The following LOC128462377 variants were observed in gnomAD, a reference collection of about 807,000 sequenced individuals.
At chr16:89,381,293 C>A in the LOC128462377 span, among the ~76,000 whole-genome samples, 1 of 145,194 alleles carries the variant, frequency 6.9e-6, no homozygotes. Context: ...CAATGCGCCA[C>A]TGCACTCCAG....
chr16:89,370,351 G>C, the LOC128462377 span, among the ~76,000 whole-genome samples: 2 of 152,152 alleles, frequency 1.3e-5, no homozygotes, highest in Non-Finnish European at 2.9e-5. Context: ...GTCCAGAAGG[G>C]GAGACAGGCG....
chr16:89,409,659 C>T, the LOC128462377 span, among the ~76,000 whole-genome samples: 1 of 152,142 alleles, frequency 6.6e-6, no homozygotes, highest in African/African-American at 2.4e-5. Flanking sequence ...CCAAAACACA[C>T]ACACACACGA....
At chr16:89,386,614 G>A in the LOC128462377 span, among the ~76,000 whole-genome samples, 1 of 152,196 alleles carries the variant, frequency 6.6e-6, no homozygotes, top group Non-Finnish European at 1.5e-5. Context: ...CACCCTACAG[G>A]ACACGAGTCA....
At chr16:89,412,841 A>T in the LOC128462377 span, among the ~76,000 whole-genome samples, 11 of 152,192 alleles carry the variant, frequency 7.2e-5, no homozygotes, top group African/African-American at 2.7e-4. Context: ...ACAAAAAGCC[A>T]TTCTCAGTCC....
the LOC128462377 span, among the ~76,000 whole-genome samples, chr16:89,388,293 A>ATTTT: frequency 1.5e-4 from 13 of 85,296 alleles, 1 homozygote; most frequent in East Asian, 8.1e-4. Flanking sequence ...CATGAGGCTG[A>ATTTT]TTTTTTTTTT....
chr16:89,326,637 G>A, the LOC128462377 span, among the ~76,000 whole-genome samples: 12 of 152,238 alleles, frequency 7.9e-5, no homozygotes, highest in Non-Finnish European at 1.5e-4. Context: ...AGCTCCTTGG[G>A]AGCCTGAGGC....
At chr16:89,338,077 C>T in the LOC128462377 span, among the ~76,000 whole-genome samples, 1 of 152,350 alleles carries the variant, frequency 6.6e-6, no homozygotes, top group African/African-American at 2.4e-5. Context: ...CTCTGCCACT[C>T]AGGAGCCCCA....
the LOC128462377 span, among the ~76,000 whole-genome samples, chr16:89,334,936 C>G: frequency 1.3e-5 from 2 of 152,048 alleles, no homozygotes; most frequent in Non-Finnish European, 2.9e-5. Context: ...TGCTGGGGGC[C>G]AGGCAGACAG....
chr16:89,327,186 G>C, the LOC128462377 span, among the ~76,000 whole-genome samples: 2 of 152,174 alleles, frequency 1.3e-5, no homozygotes, highest in African/African-American at 2.4e-5. Context: ...ATCAGTCAAC[G>C]TCACCCAGCA....
chr16:89,363,157 C>T, the LOC128462377 span, among the ~76,000 whole-genome samples: 3 of 152,000 alleles, frequency 2.0e-5, no homozygotes, highest in African/African-American at 7.3e-5. Flanking sequence ...GCTGGGAACA[C>T]GCCTATCCCT....
At chr16:89,333,619 T>C in the LOC128462377 span, among the ~76,000 whole-genome samples, 1 of 152,198 alleles carries the variant, frequency 6.6e-6, no homozygotes, top group Non-Finnish European at 1.5e-5. Flanking sequence ...CCCTACAGTG[T>C]GTAGTCCTTG....
chr16:89,377,669 G>C, the LOC128462377 span, among the ~76,000 whole-genome samples: 1 of 152,040 alleles, frequency 6.6e-6, no homozygotes, highest in African/African-American at 2.4e-5. Flanking sequence ...CAGAGGGGAG[G>C]GGTTCCCACG....
At chr16:89,396,622 ATG>A in the LOC128462377 span, among the ~76,000 whole-genome samples, 1 of 152,148 alleles carries the variant, frequency 6.6e-6, no homozygotes, top group Non-Finnish European at 1.5e-5. Flanking sequence ...GCTGTCTTCT[ATG>A]AAGCCACACA....
At chr16:89,368,082 G>T in the LOC128462377 span, among the ~76,000 whole-genome samples, 2 of 152,208 alleles carry the variant, frequency 1.3e-5, no homozygotes, top group Admixed American at 6.5e-5. Flanking sequence ...CTGTTTATCT[G>T]ATTTCTAGTC....
At chr16:89,374,020 C>T in the LOC128462377 span, among the ~76,000 whole-genome samples, 1 of 152,214 alleles carries the variant, frequency 6.6e-6, no homozygotes, top group African/African-American at 2.4e-5. Context: ...ACAGGAGCTC[C>T]GCACTTCTGC....
the LOC128462377 span, among the ~76,000 whole-genome samples, chr16:89,327,883 A>G: frequency 3.9e-5 from 6 of 152,360 alleles, no homozygotes; most frequent in South Asian, 8.3e-4. Flanking sequence ...AAAAACTGAT[A>G]AACGACCTCG....
At chr16:89,351,774 A>G in the LOC128462377 span, among the ~76,000 whole-genome samples, 1 of 152,204 alleles carries the variant, frequency 6.6e-6, no homozygotes, top group Non-Finnish European at 1.5e-5. Flanking sequence ...TAAAGGTCCA[A>G]GTTTCTTTCT....
the LOC128462377 span, among the ~76,000 whole-genome samples, chr16:89,321,904 C>G: frequency 2.0e-5 from 3 of 152,146 alleles, no homozygotes; most frequent in African/African-American, 7.2e-5. Flanking sequence ...CGTGAAAACC[C>G]GGAGGACGAA....
chr16:89,403,731 G>C, the LOC128462377 span: 1 of 152,138 alleles, frequency 6.6e-6, no homozygotes. Context: ...TAAGTTTGAG[G>C]CCAATCTGGG....
Sources: allele counts gnomAD v4.1 joint callset (sites outside exome capture counted in the v4.1 genomes callset), GRCh38; gene constraint gnomAD v4.1.1; transcripts MANE v1.5.